SFMBT1: variants seen among roughly 807,000 people sequenced by gnomAD.
The protein encoded by SFMBT1 is Scm like with four mbt domains 1, also known as scm-like with four MBT domains protein 1.
A neutral mutation model predicts 108.7 loss-of-function variants in SFMBT1; 32 were observed. The ratio of observed to expected loss-of-function variants is 0.29; its 90% CI spans 0.22 to 0.40. The LOEUF is 0.40. Ranked by LOEUF, SFMBT1 falls within the 10% of genes least tolerant of loss-of-function variation. The probability of loss-of-function intolerance (pLI) is 1.00; values close to 1 mark genes in which losing one functional copy is unlikely to be tolerated. For missense variants in SFMBT1, 816 were observed against 1,059.6 expected, an observed-to-expected ratio of 0.77 and a Z score of 3.19; for synonymous variants, 348 against 369.5, an observed-to-expected ratio of 0.94 and a Z score of 0.67.
chr3:52,907,299 C>A lies in SFMBT1; in HGVS notation c.2101G>T (p.Asp701Tyr). ...AGSPQGSGGE[D>Y]EDDPDEGDDD... ...TCCCCTTCATCTGGGTCATCCTCAT[C>A]TTCACCCCCACTTCCCTGCAGGAAA... Residue 701 changes from aspartate to tyrosine, a missense_variant, in exon 19 of 21, where the codon GAT becomes TAT. Asp to Tyr is a radical substitution (Grantham distance 160, BLOSUM62 -3). Around this residue, in one of 5 missense-constraint regions of SFMBT1, gnomAD observed 177 missense variants for 182.0 expected, o/e 0.97. Transcript: ENST00000394752. 1 of 1,613,244 alleles carries A rather than the reference C, an allele frequency of 6.2e-7. No homozygotes were observed. The highest frequency in any genetic ancestry group is 8.5e-7 in the Non-Finnish European group (1 of 1,179,762).
At chr3:52,952,175 G>A (rs552704506) in intron 3 of SFMBT1, among the ~76,000 whole-genome samples, 3 of 152,210 alleles carry the variant, frequency 2.0e-5, no homozygotes, top group African/African-American at 4.8e-5. Flanking sequence ...TGGCTAACAC[G>A]GTGAAACCCC....
chr3:52,967,141 A>T (rs541338047), intron 2 of SFMBT1, among the ~76,000 whole-genome samples: 1 of 152,270 alleles, frequency 6.6e-6, no homozygotes, highest in East Asian at 1.9e-4. Flanking sequence ...AGAAACAAAC[A>T]AACAAAAGCA....
At chr3:52,910,929 TA>T (rs779106416) in intron 17 of SFMBT1, 73 bp downstream of exon 17, 86 of 1,424,400 alleles carry the variant, frequency 6.0e-5, no homozygotes, top group Middle Eastern at 5.6e-4. Flanking sequence ...TGAATGTCTG[TA>T]AAGTAAAAAA....
chr3:52,968,568 A>G (rs1704225294), intron 2 of SFMBT1, among the ~76,000 whole-genome samples: 1 of 150,292 alleles, frequency 6.7e-6, no homozygotes, highest in South Asian at 2.1e-4. Flanking sequence ...TTTTAATGCT[A>G]TTTTAAAAAA....
rs1486600512 is a variant in SFMBT1 at position 52,996,417 on chromosome 3, T to C, written c.-130-27159A>G. Among the ~76,000 whole-genome samples the C allele has an allele frequency of 2.0e-4, 30 of 149,078 alleles. 2 individuals are homozygous for C. In the Admixed American group the frequency reaches 2.0e-3, roughly 10 times the overall value. ...TTTAGTAGAGACAGAGTTTCACCTA[T>C]TACCCAGGCTGGTCTCGAGTTCCTG... On this transcript the variant is annotated intron_variant, in intron 1 of 20. Transcript: ENST00000394752.
At chr3:53,026,814 T>C (rs965303167) in intron 1 of SFMBT1, among the ~76,000 whole-genome samples, 2 of 152,166 alleles carry the variant, frequency 1.3e-5, no homozygotes, top group African/African-American at 4.8e-5. Flanking sequence ...TTTCTTCCTT[T>C]AGAGACAGGG....
intron 14 of SFMBT1, among the ~76,000 whole-genome samples, chr3:52,914,677 G>C (rs1575368726): frequency 1.3e-5 from 2 of 152,186 alleles, no homozygotes; most frequent in Non-Finnish European, 2.9e-5. Context: ...CCAGGAGGTG[G>C]AGGTTGCAGT....
intron 3 of SFMBT1, among the ~76,000 whole-genome samples, chr3:52,947,424 T>A (rs1703409226): frequency 6.6e-6 from 1 of 152,086 alleles, no homozygotes; most frequent in South Asian, 2.1e-4. Flanking sequence ...GCCCCTTTTT[T>A]CACTTTTAAC....
chr3:52,996,807 C>T (rs1258500566), intron 1 of SFMBT1, among the ~76,000 whole-genome samples: 2 of 150,338 alleles, frequency 1.3e-5, no homozygotes, highest in African/African-American at 4.8e-5. Flanking sequence ...CGGTGGCTCA[C>T]GCCTGTAATC....
chr3:53,040,968 A>ATT lies in SFMBT1; in HGVS notation c.-131+4846_-131+4847dup, dbSNP rs57640588. ...TACAGGCATGCACCAAGACACCTGA[A>ATT]TTTTTTTTTTTTTTTTTTTTTTTTT... On this transcript the variant is annotated intron_variant, in intron 1 of 20. Coordinates refer to ENST00000394752, the MANE Select transcript of SFMBT1 (RefSeq NM_016329.4). Among the ~76,000 whole-genome samples, 452 of 46,382 alleles carry ATT rather than the reference A, an allele frequency of 9.7e-3. 54 individuals are homozygous for ATT. Among genetic ancestry groups the ATT allele is most frequent in the African/African-American group, 0.016 (195 of 11,914 alleles). 30.4% of individuals were successfully genotyped at this position (46,382 alleles called of 152,430 possible).
chr3:53,020,061 C>T (rs577075518), intron 1 of SFMBT1, among the ~76,000 whole-genome samples: 8 of 151,706 alleles, frequency 5.3e-5, no homozygotes, highest in African/African-American at 1.9e-4. Context: ...AAAACCAGTA[C>T]ATAAAGATTT....
intron 1 of SFMBT1, among the ~76,000 whole-genome samples, chr3:53,014,364 G>A (rs1699054189): frequency 6.6e-6 from 1 of 152,116 alleles, no homozygotes; most frequent in African/African-American, 2.4e-5. Flanking sequence ...CAGCACTTTG[G>A]GAGGCTGAGG....
At position 52,943,542 on chromosome 3, in the gene SFMBT1, C is replaced by A. The variant is rs1300632131; in HGVS notation, c.175G>T (p.Ala59Ser). Residue 59 changes from alanine to serine, a missense_variant, in exon 4 of 21, where the codon GCT becomes TCT. Coordinates refer to ENST00000394752, the MANE Select transcript of SFMBT1 (RefSeq NM_016329.4). ...GFAPGMKLEVAVRTDPETYWV... is the reference protein window; with the variant it reads ...GFAPGMKLEVSVRTDPETYWV... ...TAGGTCTCAGGATCTGTTCTCACAG[C>A]CACCTCCAGCTTCATCCCAGGAGCA... The A allele has an allele frequency of 1.2e-6, 2 of 1,614,160 alleles. No individual in the cohort carries two copies.
intron 17 of SFMBT1, among the ~76,000 whole-genome samples, chr3:52,910,289 G>A (rs1163071418): frequency 2.0e-5 from 3 of 152,100 alleles, no homozygotes; most frequent in Non-Finnish European, 1.5e-5. Flanking sequence ...CCCAGTGCTA[G>A]AGCAGCATAA....
rs761843324 is a variant in SFMBT1, at chr3:52,907,066, T to C, written c.2331+3A>G. 5.0e-6 allele frequency: 8 copies of C among 1,603,812 alleles called. No homozygotes were observed. Among genetic ancestry groups the C allele is most frequent in the Non-Finnish European group, 6.8e-6 (8 of 1,176,494 alleles). On this transcript the variant is annotated splice_donor_region_variant and intron_variant, in intron 19 of 20. Transcript: ENST00000394752. ...AAAAAAGAAACTATTTTTTAAATGG[T>C]ACCTTTGGTGAAGGAGGTTTATTTT...
chr3:53,040,787 A>G (rs1575457077), intron 1 of SFMBT1, among the ~76,000 whole-genome samples: 1 of 151,912 alleles, frequency 6.6e-6, no homozygotes, highest in East Asian at 1.9e-4. Context: ...TTTAACACAC[A>G]ATATACAGAC....
intron 3 of SFMBT1, among the ~76,000 whole-genome samples, chr3:52,951,849 T>C (rs1200303103): frequency 2.0e-5 from 3 of 152,240 alleles, no homozygotes; most frequent in Non-Finnish European, 4.4e-5. Context: ...AGGGCCATTA[T>C]AGACATGTTA....
chr3:52,990,871 G>T (rs760905908), intron 1 of SFMBT1, among the ~76,000 whole-genome samples: 3 of 152,164 alleles, frequency 2.0e-5, no homozygotes, highest in Admixed American at 2.0e-4. Context: ...TGCAATTTTG[G>T]AGAGAGATTA....
intron 1 of SFMBT1, among the ~76,000 whole-genome samples, chr3:53,035,303 T>C (rs558087807): frequency 4.1e-5 from 6 of 145,842 alleles, no homozygotes; most frequent in African/African-American, 1.5e-4. Context: ...AGTTTGGACT[T>C]TACCCGGCCA....
Sources: gnomAD v4.1 joint callset for allele counts (sites outside exome capture counted in the v4.1 genomes callset) on GRCh38, gnomAD v4.1.1 for gene constraint, gnomAD v4.1.1 regional missense constraint, MANE v1.5 for transcripts, NCBI Gene and HGNC (gene_info 2026-07-23, HGNC 2026-07-21) for gene names.